SLC30A8: variants seen among roughly 807,000 people sequenced by gnomAD.
The protein encoded by SLC30A8 is solute carrier family 30 member 8, also known as proton-coupled zinc antiporter SLC30A8.
SLC30A8 carries 27 observed loss-of-function variants against 36.9 expected under a neutral mutation model. The ratio of observed to expected loss-of-function variants is 0.73; its 90% CI spans 0.54 to 1.01. The LOEUF is 1.01. SLC30A8 is among the 50% of genes least tolerant of loss of function. SLC30A8 has a pLI of 0.00. For synonymous variants in SLC30A8, 164 were observed against 172.4 expected (o/e 0.95, Z 0.38); for missense variants, 439 against 452.0 (o/e 0.97, Z 0.26).
At chr8:117,117,882 CT>C (rs1191020366) in intron 2 of SLC30A8, among the ~76,000 whole-genome samples, 3 of 151,914 alleles carry the variant, frequency 2.0e-5, no homozygotes, top group Non-Finnish European at 4.4e-5. Context: ...TCTGCAAATT[CT>C]TTGCAGAGGC....
At chr8:117,144,634 T>C (rs1317434780) in intron 1 of SLC30A8, among the ~76,000 whole-genome samples, 1 of 152,190 alleles carries the variant, frequency 6.6e-6, no homozygotes, top group Non-Finnish European at 1.5e-5. Flanking sequence ...CTGCCTTCCA[T>C]ATTTTAAACA....
intron 1 of SLC30A8, among the ~76,000 whole-genome samples, chr8:116,960,611 G>A (rs898817102): frequency 6.6e-6 from 1 of 152,156 alleles, no homozygotes; most frequent in Non-Finnish European, 1.5e-5. Context: ...AGAAATAGTA[G>A]AATTTATTTA....
intron 1 of SLC30A8, among the ~76,000 whole-genome samples, chr8:116,993,263 C>G (rs1465906101): frequency 6.6e-6 from 1 of 151,102 alleles, no homozygotes; most frequent in Non-Finnish European, 1.5e-5. Flanking sequence ...CCTCAGGAAA[C>G]CCTAAAAAAT....
At chr8:117,119,128 G>T (rs1483138802) in intron 2 of SLC30A8, among the ~76,000 whole-genome samples, 1 of 151,842 alleles carries the variant, frequency 6.6e-6, no homozygotes, top group East Asian at 1.9e-4. Context: ...TCTGGAAAAG[G>T]TTCCAGATAG....
At chr8:117,077,203 G>C (rs1030789245) in intron 2 of SLC30A8, among the ~76,000 whole-genome samples, 1 of 152,154 alleles carries the variant, frequency 6.6e-6, no homozygotes, top group African/African-American at 2.4e-5. Flanking sequence ...CCCAATAAAG[G>C]TGATGCCTCA....
intron 1 of SLC30A8, among the ~76,000 whole-genome samples, chr8:116,990,865 T>TA (rs1383071492): frequency 2.0e-5 from 3 of 152,188 alleles, no homozygotes; most frequent in Non-Finnish European, 4.4e-5. Flanking sequence ...AAAGTTTATC[T>TA]AAAAAACAAC....
At chr8:117,036,708 A>G (rs1301856422) in intron 1 of SLC30A8, among the ~76,000 whole-genome samples, 1 of 152,168 alleles carries the variant, frequency 6.6e-6, no homozygotes, top group Non-Finnish European at 1.5e-5. Flanking sequence ...GCATGGGGGA[A>G]ACCACCCCCA....
intron 1 of SLC30A8, among the ~76,000 whole-genome samples, chr8:116,989,381 T>C (rs1815553373): frequency 6.6e-6 from 1 of 152,212 alleles, no homozygotes. Context: ...TTTTAAATTT[T>C]GTAAAGTATA....
At chr8:116,968,607 A>G (rs1158701695) in intron 1 of SLC30A8, among the ~76,000 whole-genome samples, 4 of 151,748 alleles carry the variant, frequency 2.6e-5, no homozygotes, top group Non-Finnish European at 5.9e-5. Flanking sequence ...GAAAGGAAGT[A>G]TAGAAGTGCC....
chr8:117,011,598 G>A (rs1214607801), intron 1 of SLC30A8, among the ~76,000 whole-genome samples: 2 of 152,150 alleles, frequency 1.3e-5, no homozygotes, highest in Non-Finnish European at 2.9e-5. Context: ...TTTAGAGTTC[G>A]TGGTGGACCC....
chr8:117,111,480 C>T (rs1206645307), intron 2 of SLC30A8, among the ~76,000 whole-genome samples: 1 of 152,136 alleles, frequency 6.6e-6, no homozygotes, highest in East Asian at 1.9e-4. Flanking sequence ...TTATTGGTTG[C>T]TGTGCTTCAG....
chr8:117,156,811 A>G (rs544278905), intron 3 of SLC30A8, among the ~76,000 whole-genome samples: 57 of 152,356 alleles, frequency 3.7e-4, no homozygotes, highest in African/African-American at 1.3e-3. Context: ...GTAAATGACT[A>G]AAGTCTGGGA....
At chr8:117,110,501 C>T (rs919382119) in intron 2 of SLC30A8, among the ~76,000 whole-genome samples, 16 of 152,170 alleles carry the variant, frequency 1.1e-4, no homozygotes, top group African/African-American at 2.4e-4. Flanking sequence ...CCATCAAACT[C>T]GTAGAGCAGG....
chr8:116,961,464 C>T (rs1257910474), intron 1 of SLC30A8, among the ~76,000 whole-genome samples: 1 of 151,722 alleles, frequency 6.6e-6, no homozygotes, highest in Non-Finnish European at 1.5e-5. Context: ...TTTATGGCAA[C>T]CTACAAGTAT....
At chr8:117,152,102 G>A (rs1563629521) in intron 2 of SLC30A8, among the ~76,000 whole-genome samples, 2 of 152,220 alleles carry the variant, frequency 1.3e-5, no homozygotes, top group African/African-American at 4.8e-5. Flanking sequence ...AGTACACAAG[G>A]CAATAAACAG....
chr8:116,979,809 C>T (rs2130640361), intron 1 of SLC30A8, among the ~76,000 whole-genome samples: 1 of 152,268 alleles, frequency 6.6e-6, no homozygotes, highest in South Asian at 2.1e-4. Context: ...CTGCCCTGGA[C>T]CTTTTTACCC....
At chr8:117,148,457 G>A (rs1232975347) in intron 2 of SLC30A8, among the ~76,000 whole-genome samples, 3 of 152,042 alleles carry the variant, frequency 2.0e-5, no homozygotes, top group African/African-American at 7.2e-5. Context: ...CATAATTAAT[G>A]TAGATTTATA....
At chr8:117,000,900 ATAGAGTT>A (rs1815988086) in intron 1 of SLC30A8, among the ~76,000 whole-genome samples, 1 of 152,222 alleles carries the variant, frequency 6.6e-6, no homozygotes, top group South Asian at 2.1e-4. Context: ...ATAATAATAC[ATAGAGTT>A]TAGTAATATA....
At chr8:116,996,433 A>C (rs1815816837) in intron 1 of SLC30A8, among the ~76,000 whole-genome samples, 1 of 152,200 alleles carries the variant, frequency 6.6e-6, no homozygotes. Flanking sequence ...GTATGTATAC[A>C]TTGTAGAATG....
Sources: gnomAD v4.1 joint callset for allele counts (sites outside exome capture counted in the v4.1 genomes callset) on GRCh38, gnomAD v4.1.1 for gene constraint, MANE v1.5 for transcripts, NCBI Gene and HGNC (gene_info 2026-07-23, HGNC 2026-07-21) for gene names.